DISP1: variants seen among roughly 807,000 people sequenced by gnomAD.
The protein encoded by DISP1 is protein dispatched homolog 1.
DISP1 carries 30 observed loss-of-function variants against 37.3 expected under a neutral mutation model. The observed-to-expected ratio is 0.80, with a 90% CI of 0.60 to 1.09. The LOEUF (loss-of-function observed/expected upper bound fraction) is 1.09, where lower values mean the gene tolerates loss of function less well. DISP1 is among the 50% of genes least tolerant of loss of function. The pLI is 0.00. For missense variants in DISP1, 1,598 were observed against 1,879.5 expected (o/e 0.85, Z 2.77); for synonymous variants, 634 against 690.2 (o/e 0.92, Z 1.28).
intron 8 of DISP1, among the ~76,000 whole-genome samples, chr1:222,998,624 C>T (rs995192970): frequency 1.3e-5 from 2 of 152,130 alleles, no homozygotes; most frequent in African/African-American, 4.8e-5. Flanking sequence ...TTGCCTCTTT[C>T]TGCCCTTTGA....
At chr1:222,861,924 G>GA (rs1373505538) in intron 1 of DISP1, among the ~76,000 whole-genome samples, 2 of 144,966 alleles carry the variant, frequency 1.4e-5, no homozygotes, top group African/African-American at 4.9e-5. Flanking sequence ...ACTACTTCAT[G>GA]AAAAATGTGT....
At chr1:222,993,815 T>C (rs1250673877) in intron 7 of DISP1, among the ~76,000 whole-genome samples, 1 of 152,234 alleles carries the variant, frequency 6.6e-6, no homozygotes, top group Non-Finnish European at 1.5e-5. Flanking sequence ...AAGTAGATTC[T>C]GCCTTGACTA....
At chr1:222,963,284 C>T (rs947870892) in intron 3 of DISP1, among the ~76,000 whole-genome samples, 6 of 152,076 alleles carry the variant, frequency 3.9e-5, no homozygotes, top group Non-Finnish European at 8.8e-5. Flanking sequence ...TAGATGCTGG[C>T]GAGGCTGTGG....
rs1679738252 is a variant in DISP1 at position 223,004,523 on chromosome 1, T to G, written c.3126T>G (p.Ile1042Met). ...TCAATGTGTTGGAATCTGTCACCAT[T>G]TCGGTTGCCGTCGGCTTGTCTGTAG... ...WELNVLESVT[I>M]SVAVGLSVDF... The change falls in exon 9 of 9, where the codon ATT (isoleucine) becomes ATG (methionine). Residue 1042 changes from isoleucine to methionine, a missense_variant. Coordinates refer to ENST00000675850, the MANE Select transcript of DISP1 (RefSeq NM_001377229.1). This position sits in a 1 kb window ranked among gnomAD's most constrained non-coding sequence, Gnocchi z 4.9. 6.2e-7 allele frequency: 1 copy of G among 1,614,104 alleles called. No homozygotes were observed. Among genetic ancestry groups the G allele is most frequent in the African/African-American group, 1.3e-5 (1 of 74,950 alleles).
intron 4 of DISP1, among the ~76,000 whole-genome samples, chr1:222,988,226 G>A (rs1678414709): frequency 1.3e-5 from 2 of 152,292 alleles, no homozygotes; most frequent in Admixed American, 6.5e-5. Flanking sequence ...ATATGATTTT[G>A]CATAGAGAAA....
At chr1:222,994,758 A>C in intron 7 of DISP1, 127 bp from the exon 8 acceptor site, 1 of 696,894 alleles carries the variant, frequency 1.4e-6, no homozygotes, top group Non-Finnish European at 2.5e-6. Context: ...CAAAGGAAAG[A>C]ATTTCCTGCT....
chr1:222,868,371 A>G (rs1014800881), intron 1 of DISP1, among the ~76,000 whole-genome samples: 1 of 152,066 alleles, frequency 6.6e-6, no homozygotes, highest in Non-Finnish European at 1.5e-5. Flanking sequence ...ATATATGTTT[A>G]TATATGTATA....
At chr1:222,958,573 A>G (rs978141362) in intron 3 of DISP1, among the ~76,000 whole-genome samples, 2 of 152,212 alleles carry the variant, frequency 1.3e-5, no homozygotes, top group Non-Finnish European at 2.9e-5. Context: ...GTCTAGATAT[A>G]TCTGAAGAGA....
At chr1:222,931,685 C>CTTT (rs5781291) in intron 2 of DISP1, among the ~76,000 whole-genome samples, 1 of 140,606 alleles carries the variant, frequency 7.1e-6, no homozygotes, top group South Asian at 2.3e-4. Context: ...CACCAGGAAT[C>CTTT]TTTTTTTTTT....
intron 4 of DISP1, chr1:222,989,602 A>G (rs1678537637): frequency 1.0e-6 from 1 of 976,474 alleles, no homozygotes; most frequent in South Asian, 4.7e-5. Context: ...ACAGTTCTGC[A>G]CATGTGGGAA....
chr1:222,830,707 T>G (rs11487861), intron 1 of DISP1, among the ~76,000 whole-genome samples: 14,385 of 152,242 alleles, frequency 0.094, 767 homozygotes, highest in African/African-American at 0.12. Context: ...AAAACAAGTT[T>G]CAATGCAGAG....
intron 4 of DISP1, among the ~76,000 whole-genome samples, chr1:222,984,415 A>ATATATATATATAT (rs1225969320): frequency 1.7e-5 from 1 of 58,324 alleles, no homozygotes; most frequent in African/African-American, 5.5e-5. Context: ...AAAAAAAAAA[A>ATATATATATATAT]AAAAAAATAT....
chr1:222,862,463 T>G (rs1357240407), intron 1 of DISP1, among the ~76,000 whole-genome samples: 1 of 151,994 alleles, frequency 6.6e-6, no homozygotes, highest in South Asian at 2.1e-4. Flanking sequence ...ATTGATATAA[T>G]TTAACATTGA....
chr1:222,999,825 T>C (rs1189632282), intron 8 of DISP1, among the ~76,000 whole-genome samples: 1 of 152,176 alleles, frequency 6.6e-6, no homozygotes, highest in African/African-American at 2.4e-5. Context: ...CGATGTCTTT[T>C]CTCTGTCCTT....
intron 1 of DISP1, among the ~76,000 whole-genome samples, chr1:222,819,690 G>A (rs1409106969): frequency 6.6e-6 from 1 of 151,700 alleles, no homozygotes; most frequent in Non-Finnish European, 1.5e-5. Context: ...ACAGGCACCC[G>A]CCACCATGCC....
rs560780123 is a variant in DISP1 at position 222,930,707 on chromosome 1, C to T, written c.-18+2137C>T. On this transcript the variant is annotated intron_variant, in intron 2 of 8. Transcript: ENST00000675850. ...GTAATTTCAGTTCATCTAATATATA[C>T]AAGAAAGCAAACAGCAGAATTCATA... Among the ~76,000 whole-genome samples, 11 of 152,042 alleles carry T rather than the reference C, an allele frequency of 7.2e-5. No individual in the cohort carries two copies. The South Asian group carries it at 1.2e-3, about 17-fold the overall frequency.
rs778643974 is a variant in DISP1 at position 223,003,146 on chromosome 1, C to T, written c.1749C>T (p.Tyr583=). 46 of 1,614,068 alleles carry T rather than the reference C, an allele frequency of 2.8e-5. No homozygotes were observed. The highest frequency in any genetic ancestry group is 3.9e-5 in the Non-Finnish European group (46 of 1,180,044). The change falls in exon 9 of 9, where the codon TAC becomes TAT. Residue 583 remains tyrosine, a synonymous_variant. Transcript: ENST00000675850. This position sits in a 1 kb window ranked among gnomAD's most constrained non-coding sequence, Gnocchi z 4.3. ...TTGTCCTGTGTGATGTTTGGAACTA[C>T]ACAAAATTTGATAAGCCTCATGCCG... is the stretch of plus-strand genomic sequence containing the variant. ...DAFVLCDVWN[Y]TKFDKPHAET... is the part of the protein sequence containing the mutation.
intron 8 of DISP1, among the ~76,000 whole-genome samples, chr1:222,999,816 G>A (rs1033452118): frequency 1.3e-5 from 2 of 152,226 alleles, no homozygotes; most frequent in African/African-American, 2.4e-5. Flanking sequence ...AACCAGTCAC[G>A]ATGTCTTTTC....
At chr1:222,823,016 G>C (rs1028154040) in intron 1 of DISP1, among the ~76,000 whole-genome samples, 7 of 152,172 alleles carry the variant, frequency 4.6e-5, no homozygotes, top group Non-Finnish European at 1.0e-4. Flanking sequence ...TGGAATGACT[G>C]ATAGACCTAA....
Sources: gnomAD v4.1 joint callset for allele counts (sites outside exome capture counted in the v4.1 genomes callset) on GRCh38, gnomAD v4.1.1 for gene constraint, Gnocchi (gnomAD v3.1) non-coding constraint, MANE v1.5 for transcripts, NCBI Gene and HGNC (gene_info 2026-07-23, HGNC 2026-07-21) for gene names.